BCO1: variants seen among roughly 807,000 people sequenced by gnomAD.
The protein encoded by BCO1 is beta,beta-carotene 15,15'-dioxygenase.
BCO1 carries 54 observed loss-of-function variants against 56.3 expected under a neutral mutation model. The ratio of observed to expected loss-of-function variants is 0.96; its 90% CI spans 0.77 to 1.20. BCO1 has a LOEUF of 1.20. Ranked by LOEUF, BCO1 falls within the 50% of genes most tolerant of loss-of-function variation. The pLI, the probability that BCO1 is intolerant of heterozygous loss-of-function variation, is 0.00. For missense variants in BCO1, 801 were observed against 690.9 expected (o/e 1.16, Z -1.79); for synonymous variants, 318 against 266.1 (o/e 1.20, Z -1.90).
At chr16:81,246,230 C>A (rs1297810277) in intron 2 of BCO1, among the ~76,000 whole-genome samples, 1 of 152,074 alleles carries the variant, frequency 6.6e-6, no homozygotes, top group Non-Finnish European at 1.5e-5. Flanking sequence ...TTTCCTGCCT[C>A]CCTCTTATAA....
chr16:81,259,754 C>A lies in BCO1; in HGVS notation c.272C>A (p.Ser91Tyr), dbSNP rs1247368705. Residue 91 changes from serine (S) to tyrosine (Y), a missense_variant, in exon 3 of 11, where the codon TCT (serine) becomes TAT (tyrosine). Ser to Tyr is a moderately radical substitution (Grantham distance 144). Transcript: ENST00000258168. ...ATTGAGGCAAACAGGATTGTGGTGT[C>A]TGAGTTTGGAACAATGGCCTATCCG... ...TNIEANRIVV[S>Y]EFGTMAYPDP... 1 of 1,614,104 alleles carries A rather than the reference C, an allele frequency of 6.2e-7. No homozygotes were observed. Among genetic ancestry groups the A allele is most frequent in the East Asian group, 2.2e-5 (1 of 44,890 alleles).
chr16:81,267,127 A>G (rs1906877627), intron 5 of BCO1, among the ~76,000 whole-genome samples: 1 of 152,134 alleles, frequency 6.6e-6, no homozygotes, highest in African/African-American at 2.4e-5. Flanking sequence ...GCTTTATTTC[A>G]TTCTGTTCTC....
chr16:81,244,662 A>C (rs1178424364), intron 1 of BCO1, among the ~76,000 whole-genome samples: 1 of 149,696 alleles, frequency 6.7e-6, no homozygotes, highest in Non-Finnish European at 1.5e-5. Context: ...AGCCCACCCG[A>C]GGGCTGTTCT....
chr16:81,267,971 G>C lies in BCO1; in HGVS notation c.683G>C (p.Arg228Pro). ...HTEVFCSIPS[R>P]SLLSPSYYHS... ...GAGGTGTTCTGCTCCATCCCATCCC[G>C]CTCCCTGCTCTCCCCAAGCTACTAC... Residue 228 changes from arginine (R) to proline (P), a missense_variant, in exon 6 of 11, where the codon CGC becomes CCC. Physicochemically the swap from Arg to Pro is moderately radical, Grantham distance 103 (BLOSUM62 -2). Transcript: ENST00000258168. The C allele has an allele frequency of 6.2e-7, 1 of 1,613,830 alleles. No individual in the cohort carries two copies. Among genetic ancestry groups the C allele is most frequent in the South Asian group, 1.1e-5 (1 of 91,054 alleles).
intron 5 of BCO1, among the ~76,000 whole-genome samples, chr16:81,265,291 A>G (rs1231597390): frequency 1.4e-5 from 2 of 147,880 alleles, no homozygotes; most frequent in East Asian, 4.0e-4. Context: ...CCATTCACCC[A>G]CCTACCCATC....
At chr16:81,269,446 C>T (rs1339388804) in intron 6 of BCO1, among the ~76,000 whole-genome samples, 1 of 152,006 alleles carries the variant, frequency 6.6e-6, no homozygotes, top group Non-Finnish European at 1.5e-5. Context: ...TAGGCACACG[C>T]CACAATGCCT....
chr16:81,270,289 C>T lies in BCO1; in HGVS notation c.974C>T (p.Ala325Val). Residue 325 changes from alanine to valine, a missense_variant, in exon 7 of 11, where the codon GCC (alanine) becomes GTC (valine). Coordinates refer to ENST00000258168, the MANE Select transcript of BCO1 (RefSeq NM_017429.3). The part of the protein sequence containing the change: ...EDGCIVFDVI[A>V]YEDNSLYQLF... ...GGCTGCATCGTGTTTGACGTCATTG[C>T]CTACGAGGACAACAGCCTCTACCAG... is the stretch of plus-strand genomic sequence containing the variant. 6.2e-7 allele frequency: 1 copy of T among 1,614,134 alleles called. No individual in the cohort carries two copies. The highest frequency in any genetic ancestry group is 8.5e-7 in the Non-Finnish European group (1 of 1,180,028).
intron 1 of BCO1, among the ~76,000 whole-genome samples, chr16:81,243,491 C>T (rs989945409): frequency 5.6e-5 from 7 of 124,734 alleles, no homozygotes; most frequent in South Asian, 2.4e-4. Context: ...ATTTATGAGA[C>T]GGAGTCTTGC....
In BCO1 at chr16:81,290,599, G is replaced by A. The variant is rs200512526; in HGVS notation, c.*22G>A. ...CTGATGGTGTTGGGGTTTGGGTAGG[G>A]GAGGGGAGCTCGGCTGTCAGAACTC... On this transcript the variant is annotated 3_prime_UTR_variant, in exon 11 of 11. Coordinates refer to ENST00000258168, the MANE Select transcript of BCO1 (RefSeq NM_017429.3). The A allele has an allele frequency of 1.8e-3, 2,786 of 1,587,606 alleles. 7 individuals are homozygous for A. Among genetic ancestry groups the A allele is most frequent in the Non-Finnish European group, 2.2e-3 (2,511 of 1,160,024 alleles).
intron 7 of BCO1, among the ~76,000 whole-genome samples, chr16:81,273,243 A>G (rs1907348366): frequency 6.6e-6 from 1 of 152,126 alleles, no homozygotes; most frequent in Admixed American, 6.6e-5. Flanking sequence ...TCGGCCTTCC[A>G]AAGTGCTGAG....
intron 7 of BCO1, among the ~76,000 whole-genome samples, chr16:81,271,153 C>T (rs1907190893): frequency 6.6e-6 from 1 of 151,584 alleles, no homozygotes; most frequent in South Asian, 2.1e-4. Context: ...CTTGCTCTGT[C>T]ACCCAGGCTG....
At chr16:81,248,529 G>A (rs535343339) in intron 2 of BCO1, among the ~76,000 whole-genome samples, 107 of 152,034 alleles carry the variant, frequency 7.0e-4, no homozygotes, top group Non-Finnish European at 1.2e-3. Context: ...ATAGAGACAC[G>A]ATGGGTGAAA....
chr16:81,290,203 C>T (rs1567468939), intron 10 of BCO1, 145 bp from the exon 11 acceptor site: 1 of 773,054 alleles, frequency 1.3e-6, no homozygotes, highest in East Asian at 2.7e-5. Flanking sequence ...AGGCCTTTCC[C>T]TTCTGTTACA....
chr16:81,239,994 G>A (rs1266804447), intron 1 of BCO1, among the ~76,000 whole-genome samples: 1 of 152,080 alleles, frequency 6.6e-6, no homozygotes, highest in African/African-American at 2.4e-5. Flanking sequence ...GAGGACAACT[G>A]TGAGTGATTT....
In BCO1 at chr16:81,276,001, C is replaced by T. The variant is rs571382794; in HGVS notation, c.1102-4856C>T. 6.6e-5 allele frequency among the ~76,000 whole-genome samples: 10 copies of T among 152,362 alleles called. 1 individual carries two copies. In the South Asian group the frequency reaches 1.0e-3, roughly 16 times the overall value. ...GTGCTGCAGGGCGCTGTGTGAGGCC[C>T]GAGGTTCGTGTGCACCCACGCCTAA... is the stretch of plus-strand genomic sequence containing the variant. On this transcript the variant is annotated intron_variant, in intron 7 of 10. Coordinates refer to ENST00000258168, the MANE Select transcript of BCO1 (RefSeq NM_017429.3).
At position 81,247,251 on chromosome 16, in the gene BCO1, TCA is replaced by T. The variant is rs143841109; in HGVS notation, c.193+1649_193+1650del. On this transcript the variant is annotated intron_variant, in intron 2 of 10. Transcript: ENST00000258168. ...TGGGATTACGTTAAGTCTCTCAGCC[TCA>T]GTTTCCTCATCAGTAAAATGAGCTT... 5.1e-4 allele frequency among the ~76,000 whole-genome samples: 77 copies of T among 152,336 alleles called. 1 individual carries two copies. In the East Asian group the frequency reaches 0.01, roughly 20 times the overall value.
intron 7 of BCO1, among the ~76,000 whole-genome samples, chr16:81,278,699 GA>G (rs1907696542): frequency 6.6e-6 from 1 of 152,180 alleles, no homozygotes; most frequent in African/African-American, 2.4e-5. Context: ...GTTTGGGGAA[GA>G]ACCAGCCTCA....
intron 7 of BCO1, among the ~76,000 whole-genome samples, chr16:81,273,364 G>T (rs1030021869): frequency 2.6e-5 from 4 of 152,142 alleles, no homozygotes; most frequent in African/African-American, 9.7e-5. Context: ...AAGAGCCTCA[G>T]ATGGGCCACA....
In BCO1 at chr16:81,253,353, C is replaced by T. The variant is rs368212675; in HGVS notation, c.194-6323C>T. On this transcript the variant is annotated intron_variant, in intron 2 of 10. Transcript: ENST00000258168. Reference sequence around the variant, plus strand: ...AGTGCTTTGCAAGCCTCAAATGTCACGTGACTCTGCAAGGACTGTGTCACG... The same window carrying T: ...AGTGCTTTGCAAGCCTCAAATGTCATGTGACTCTGCAAGGACTGTGTCACG... Among the ~76,000 whole-genome samples, 7 of 152,260 alleles carry T rather than the reference C, an allele frequency of 4.6e-5. No homozygotes were observed. The East Asian group carries it at 7.7e-4, about 17-fold the overall frequency.
Sources: allele counts gnomAD v4.1 joint callset (sites outside exome capture counted in the v4.1 genomes callset), GRCh38; gene constraint gnomAD v4.1.1; transcripts MANE v1.5; gene names NCBI Gene and HGNC (gene_info 2026-07-23, HGNC 2026-07-21).